The following MAPK10 variants were observed in gnomAD, a reference collection of about 807,000 sequenced individuals.
MAPK10 encodes the protein JNK3 alpha protein kinase.
Under a neutral mutation model 59.3 loss-of-function variants are expected in MAPK10, and 25 were observed. The observed-to-expected ratio is 0.42, with a 90% CI of 0.31 to 0.59. MAPK10 has a LOEUF of 0.59. MAPK10 is among the 20% of genes least tolerant of loss of function. The probability of loss-of-function intolerance (pLI) is 0.15; values close to 1 mark genes in which losing one functional copy is unlikely to be tolerated. For missense variants in MAPK10, 351 were observed against 568.9 expected, an observed-to-expected ratio of 0.62 and a Z score of 3.90; for synonymous variants, 190 against 200.5, an observed-to-expected ratio of 0.95 and a Z score of 0.44.
At chr4:86,116,144 G>A in intron 4 of MAPK10, among the ~76,000 whole-genome samples, 1 of 152,156 alleles carries the variant, frequency 6.6e-6, no homozygotes, top group East Asian at 1.9e-4. Context: ...AAGAAAGAAT[G>A]GCAATCAGTC....
At chr4:86,162,705 A>C (rs373086694) in intron 3 of MAPK10, among the ~76,000 whole-genome samples, 1 of 152,032 alleles carries the variant, frequency 6.6e-6, no homozygotes, top group Non-Finnish European at 1.5e-5. Flanking sequence ...CGCTCATTCA[A>C]TATCATTAAT....
chr4:86,574,138 G>A (rs929135122), intron 1 of MAPK10, among the ~76,000 whole-genome samples: 6 of 151,728 alleles, frequency 4.0e-5, no homozygotes, highest in Non-Finnish European at 8.8e-5. Flanking sequence ...TCCCACCTAT[G>A]AGTGAGAACA....
chr4:86,076,603 T>A (rs1453718813), intron 9 of MAPK10, among the ~76,000 whole-genome samples: 1 of 152,172 alleles, frequency 6.6e-6, no homozygotes, highest in Non-Finnish European at 1.5e-5. Flanking sequence ...CACAAGCAAC[T>A]CCCTTAAAGA....
rs1267573789 is a variant in MAPK10, at chr4:86,092,171, C to T, written c.802+6353G>A. Among the ~76,000 whole-genome samples the T allele has an allele frequency of 2.0e-5, 3 of 152,182 alleles. No individual in the cohort carries two copies. In the East Asian group the frequency reaches 5.8e-4, roughly 29 times the overall value. ...TAATGCAGAGATGTAGGCTCTAGAT[C>T]TGAAATTCTGATGTACATATTGAAT... is the stretch of plus-strand genomic sequence containing the variant. On this transcript the variant is annotated intron_variant, in intron 9 of 13. Transcript: ENST00000641462.
At chr4:86,229,903 AT>A (rs749445220) in intron 2 of MAPK10, among the ~76,000 whole-genome samples, 6 of 152,086 alleles carry the variant, frequency 3.9e-5, no homozygotes, top group Non-Finnish European at 7.4e-5. Context: ...AAAAAAAAAA[AT>A]CAAAAAATTA....
chr4:86,227,950 A>G (rs2090934869), intron 2 of MAPK10, among the ~76,000 whole-genome samples: 1 of 152,256 alleles, frequency 6.6e-6, no homozygotes, highest in Admixed American at 6.5e-5. Flanking sequence ...CCCTAGAAAC[A>G]GTAGACACTG....
In MAPK10 at chr4:86,409,608, G is replaced by T. The variant is rs577554258; in HGVS notation, c.-122+43422C>A. Among the ~76,000 whole-genome samples, 7 of 152,212 alleles carry T rather than the reference G, an allele frequency of 4.6e-5. No homozygotes were observed. The East Asian group carries it at 1.4e-3, about 29-fold the overall frequency. On this transcript the variant is annotated intron_variant, in intron 1 of 13. Transcript: ENST00000361569. ...ATGGTTTGTAGTTCTCCTTGAAGAG[G>T]TCCTTCGCATCCCTTGTAATTTGGA... is the stretch of plus-strand genomic sequence containing the variant.
intron 2 of MAPK10, among the ~76,000 whole-genome samples, chr4:86,333,513 T>C (rs1331002822): frequency 1.3e-5 from 2 of 152,184 alleles, no homozygotes; most frequent in African/African-American, 4.8e-5. Context: ...CATGTTCTTA[T>C]AAATGGCAAA....
chr4:86,475,632 G>A (rs545846959), intron 1 of MAPK10, among the ~76,000 whole-genome samples: 4 of 152,218 alleles, frequency 2.6e-5, no homozygotes, highest in African/African-American at 7.2e-5. Flanking sequence ...ACATTTCAGA[G>A]GTGTCTGACC....
At position 86,373,019 on chromosome 4, in the gene MAPK10, C is replaced by T. The variant is rs536566266; in HGVS notation, c.-121-18375G>A. ...CCTGACTTCAAACTATACTACAAGG[C>T]TACAGTAACCAAAATGGCATGGTAG... On this transcript the variant is annotated intron_variant, in intron 1 of 13. Coordinates refer to the MAPK10 transcript ENST00000361569. Among the ~76,000 whole-genome samples the T allele has an allele frequency of 6.2e-3, 949 of 152,248 alleles. 7 individuals are homozygous for T. Among genetic ancestry groups the T allele is most frequent in the African/African-American group, 0.02 (848 of 41,548 alleles).
chr4:86,509,087 A>G (rs752748081), intron 1 of MAPK10, among the ~76,000 whole-genome samples: 1 of 152,048 alleles, frequency 6.6e-6, no homozygotes, highest in African/African-American at 2.4e-5. Flanking sequence ...ATTTGTGTTA[A>G]GATAACACAC....
At chr4:86,272,556 G>A (rs1357650217) in intron 2 of MAPK10, among the ~76,000 whole-genome samples, 7 of 151,726 alleles carry the variant, frequency 4.6e-5, no homozygotes, top group Non-Finnish European at 1.0e-4. Flanking sequence ...AAAGATTTTT[G>A]CCGAGAAACA....
At chr4:86,113,956 G>T (rs1010627730) in intron 4 of MAPK10, among the ~76,000 whole-genome samples, 4 of 152,000 alleles carry the variant, frequency 2.6e-5, no homozygotes, top group African/African-American at 7.2e-5. Context: ...TCTTATTTCA[G>T]CAAGATAGTC....
chr4:86,403,902 A>G (rs1744042828), intron 1 of MAPK10, among the ~76,000 whole-genome samples: 1 of 152,080 alleles, frequency 6.6e-6, no homozygotes, highest in African/African-American at 2.4e-5. Flanking sequence ...ACCATATCAG[A>G]GCCTTTGCCT....
chr4:86,354,924 T>C (rs1266127849), intron 1 of MAPK10, among the ~76,000 whole-genome samples: 2 of 152,136 alleles, frequency 1.3e-5, no homozygotes, highest in African/African-American at 4.8e-5. Flanking sequence ...TGAATTTGGT[T>C]TTCTAATACA....
At chr4:86,219,032 C>A (rs2088701450) in intron 2 of MAPK10, among the ~76,000 whole-genome samples, 2 of 152,192 alleles carry the variant, frequency 1.3e-5, no homozygotes, top group African/African-American at 4.8e-5. Flanking sequence ...ACCTTTCTTC[C>A]TTTTATCCAT....
chr4:86,463,355 G>A (rs1751913260), intron 1 of MAPK10, among the ~76,000 whole-genome samples: 1 of 152,190 alleles, frequency 6.6e-6, no homozygotes, highest in African/African-American at 2.4e-5. Flanking sequence ...TGTTATCATT[G>A]GAAAGTGTTG....
intron 2 of MAPK10, among the ~76,000 whole-genome samples, chr4:86,258,847 C>T (rs1382743278): frequency 6.6e-6 from 1 of 152,188 alleles, no homozygotes; most frequent in Non-Finnish European, 1.5e-5. Flanking sequence ...CTTAAAATTG[C>T]AGCACTGACT....
intron 8 of MAPK10, 139 bp downstream of exon 8, chr4:86,100,913 A>T (rs1413218476): frequency 1.2e-5 from 8 of 657,408 alleles, no homozygotes; most frequent in South Asian, 2.6e-5. Flanking sequence ...CAGTAGTATT[A>T]AAAAAAACCC....
Sources: allele counts gnomAD v4.1 joint callset (sites outside exome capture counted in the v4.1 genomes callset), GRCh38; gene constraint gnomAD v4.1.1; transcripts MANE v1.5; gene names NCBI Gene and HGNC (gene_info 2026-07-23, HGNC 2026-07-21).